SMARCB1: variants seen among roughly 807,000 people sequenced by gnomAD.
SMARCB1 encodes SWI/SNF-related matrix-associated actin-dependent regulator of chromatin subfamily B member 1.
In SMARCB1, 5 loss-of-function variants were observed where a neutral mutation model predicts 49.0. The ratio of observed to expected loss-of-function variants is 0.10; its 90% CI spans 0.05 to 0.21. The LOEUF (loss-of-function observed/expected upper bound fraction) is 0.21, where lower values mean the gene tolerates loss of function less well. SMARCB1 is among the 10% of genes least tolerant of loss of function. The probability of loss-of-function intolerance (pLI) is 1.00; values close to 1 mark genes in which losing one functional copy is unlikely to be tolerated. For synonymous variants in SMARCB1, 201 were observed against 200.1 expected, an observed-to-expected ratio of 1.00 and a Z score of -0.04; for missense variants, 226 against 509.2, an observed-to-expected ratio of 0.44 and a Z score of 5.35.
chr22:23,837,757 T>G lies in SMARCB1; in HGVS notation c.*3577T>G. The G allele has an allele frequency of 6.2e-7, 1 of 1,614,004 alleles. No homozygotes were observed. Among genetic ancestry groups the G allele is most frequent in the Non-Finnish European group, 8.5e-7 (1 of 1,180,012 alleles). ...CTGGAAAGTGAGCAGGCCGAAGAAG[T>G]TGACCCTCACCCGAGGGCTGCGGCG... is the stretch of plus-strand genomic sequence containing the variant. On this transcript the variant is annotated 3_prime_UTR_variant, in exon 9 of 9. Coordinates refer to ENST00000644036, the MANE Select transcript of SMARCB1 (RefSeq NM_003073.5).
At position 23,834,911 on chromosome 22, in the gene SMARCB1, G is replaced by A. The variant is rs2030920809; in HGVS notation, c.*731G>A. On this transcript the variant is annotated 3_prime_UTR_variant, in exon 9 of 9. Coordinates refer to ENST00000644036, the MANE Select transcript of SMARCB1 (RefSeq NM_003073.5). ...AGATGGTCAGGCTACTGCCAGCTGG[G>A]GCCTTGCTGCTCTGAAGTCCCCTGC... 1 of 1,611,108 alleles carries A rather than the reference G, an allele frequency of 6.2e-7. No individual in the cohort carries two copies.
At chr22:23,799,575 T>C (rs917036404) in intron 3 of SMARCB1, among the ~76,000 whole-genome samples, 1 of 147,872 alleles carries the variant, frequency 6.8e-6, no homozygotes, top group Non-Finnish European at 1.5e-5. Context: ...TGCAATGGTG[T>C]AATCTCGGCT....
In SMARCB1 at chr22:23,836,577, T is replaced by G. The variant is rs1212107282; in HGVS notation, c.*2397T>G. 8.8e-7 allele frequency: 1 copy of G among 1,136,094 alleles called. No individual in the cohort carries two copies. The highest frequency in any genetic ancestry group is 1.6e-5 in the African/African-American group (1 of 61,724). 70.4% of individuals were successfully genotyped at this position (1,136,094 alleles called of 1,614,324 possible). On this transcript the variant is annotated 3_prime_UTR_variant, in exon 9 of 9. Coordinates refer to ENST00000644036, the MANE Select transcript of SMARCB1 (RefSeq NM_003073.5). Reference sequence around the variant, plus strand: ...GCCTGGCAACCTGTGAGCTCAAAGCTCTGCCAGGCAACCATGGGCAGTTTC... The same window carrying G: ...GCCTGGCAACCTGTGAGCTCAAAGCGCTGCCAGGCAACCATGGGCAGTTTC...
chr22:23,793,497 TG>T, intron 2 of SMARCB1, 61 bp from the exon 3 acceptor site: 1 of 1,592,006 alleles, frequency 6.3e-7, no homozygotes, highest in Non-Finnish European at 8.6e-7. Flanking sequence ...TGCATCCACT[TG>T]GCTGGCTGCT....
chr22:23,801,381 G>T, intron 4 of SMARCB1: 1 of 673,112 alleles, frequency 1.5e-6, no homozygotes, highest in Non-Finnish European at 2.7e-6. Context: ...CACATGAGTG[G>T]GCCACAGCCA....
At position 23,789,198 on chromosome 22, in the gene SMARCB1, C is replaced by G. The variant is rs200267852; in HGVS notation, c.93+1936C>G. 3.3e-5 allele frequency among the ~76,000 whole-genome samples: 5 copies of G among 152,152 alleles called. No individual in the cohort carries two copies. The East Asian group carries it at 9.6e-4, about 29-fold the overall frequency. ...AATATAGGATTCAATAAAATTTTCACGTTGTCACTTAAATTACAACTGTTC... is the reference window on the plus strand; with the variant it reads ...AATATAGGATTCAATAAAATTTTCAGGTTGTCACTTAAATTACAACTGTTC... On this transcript the variant is annotated intron_variant, in intron 1 of 8. Transcript: ENST00000644036.
intron 7 of SMARCB1, among the ~76,000 whole-genome samples, chr22:23,833,092 G>C (rs149610423): frequency 1.3e-5 from 2 of 152,160 alleles, no homozygotes; most frequent in Non-Finnish European, 2.9e-5. Context: ...CCTCAGTAGT[G>C]GGGGGCTGGG....
intron 6 of SMARCB1, chr22:23,817,361 A>C: frequency 3.5e-6 from 1 of 288,366 alleles, no homozygotes; most frequent in Non-Finnish European, 6.8e-6. Flanking sequence ...CAGTTGAGAA[A>C]TGGTGAGGCT....
rs1568965701 is a variant in SMARCB1, at chr22:23,835,197, C to G, written c.*1017C>G. The G allele has an allele frequency of 3.9e-6, 5 of 1,269,334 alleles. No individual in the cohort carries two copies. Among genetic ancestry groups the G allele is most frequent in the Non-Finnish European group, 4.0e-6 (4 of 1,008,968 alleles). The allele number at this position is 1,269,334 out of a possible 1,614,324, so 78.6% of individuals were successfully genotyped here. Reference sequence around the variant, plus strand: ...CCAGGGTCCCTTCCCAGCCCTGCCTCCAAGGAGTTCATGTCCCCTCTGTTC... The same window carrying G: ...CCAGGGTCCCTTCCCAGCCCTGCCTGCAAGGAGTTCATGTCCCCTCTGTTC... On this transcript the variant is annotated 3_prime_UTR_variant, in exon 9 of 9. Coordinates refer to ENST00000644036, the MANE Select transcript of SMARCB1 (RefSeq NM_003073.5).
chr22:23,835,559 C>G lies in SMARCB1; in HGVS notation c.*1379C>G. 1 of 985,528 alleles carries G rather than the reference C, an allele frequency of 1.0e-6. No homozygotes were observed. Among genetic ancestry groups the G allele is most frequent in the Non-Finnish European group, 1.2e-6 (1 of 829,962 alleles). The allele number at this position is 985,528 out of a possible 1,614,324, so 61.0% of individuals were successfully genotyped here. Reference sequence around the variant, plus strand: ...CATGGGACTCTTCCCAGGGAGTTTGCACTCAGGGCCTCTGCCCTCCATCAA... The same window carrying G: ...CATGGGACTCTTCCCAGGGAGTTTGGACTCAGGGCCTCTGCCCTCCATCAA... On this transcript the variant is annotated 3_prime_UTR_variant, in exon 9 of 9. Coordinates refer to ENST00000644036, the MANE Select transcript of SMARCB1 (RefSeq NM_003073.5).
In SMARCB1 at chr22:23,801,255, C is replaced by G; in HGVS notation, c.500+174C>G. 3.3e-6 allele frequency: 3 copies of G among 915,560 alleles called. No homozygotes were observed. In the South Asian group the frequency reaches 4.2e-5, roughly 13 times the overall value. 56.7% of individuals were successfully genotyped at this position (915,560 alleles called of 1,614,324 possible). The stretch of plus-strand genomic sequence containing the variant: ...GTTTCCCTGACTTCCAGGACATTGT[C>G]CATAGCCTCCTTGGCTCTGTCTGCT... On this transcript the variant is annotated intron_variant, in intron 4 of 8. Coordinates refer to ENST00000644036, the MANE Select transcript of SMARCB1 (RefSeq NM_003073.5).
chr22:23,820,364 C>T (rs971009541), intron 6 of SMARCB1, among the ~76,000 whole-genome samples: 1 of 152,124 alleles, frequency 6.6e-6, no homozygotes, highest in Non-Finnish European at 1.5e-5. Flanking sequence ...CACCTGAGGT[C>T]GGGAGTTAGA....
At chr22:23,800,844 G>A in intron 3 of SMARCB1, 100 bp from the exon 4 acceptor site, 1 of 944,422 alleles carries the variant, frequency 1.1e-6, no homozygotes, top group Non-Finnish European at 1.8e-6. Flanking sequence ...CCTCGAGCCT[G>A]ACAGAGGTAC....
At chr22:23,819,665 G>A (rs2146017381) in intron 6 of SMARCB1, among the ~76,000 whole-genome samples, 1 of 151,928 alleles carries the variant, frequency 6.6e-6, no homozygotes, top group Middle Eastern at 3.4e-3. Context: ...TCTTTTGGGT[G>A]TATACCTAGA....
rs781136700 is a variant in SMARCB1 at position 23,833,567 on chromosome 22, C to T, written c.987-5C>T. The T allele has an allele frequency of 5.3e-5, 85 of 1,614,244 alleles. No individual in the cohort carries two copies. In the Admixed American group the frequency reaches 1.1e-3, roughly 20 times the overall value. ...CATTCCTCTCACTGCCTCCCCTCCTCGTAGCGAGAACCCTCTGCCCACAGT... is the reference window on the plus strand; with the variant it reads ...CATTCCTCTCACTGCCTCCCCTCCTTGTAGCGAGAACCCTCTGCCCACAGT... On this transcript the variant is annotated splice_polypyrimidine_tract_variant and splice_region_variant and intron_variant, in intron 7 of 8. Transcript: ENST00000644036.
At chr22:23,834,103 C>T (rs2146044568) in intron 8 of SMARCB1, 38 bp from the exon 9 acceptor site, 2 of 1,561,618 alleles carry the variant, frequency 1.3e-6, no homozygotes, top group East Asian at 4.8e-5. Context: ...AGGCTGGGAG[C>T]TGGCCCCGAC....
intron 3 of SMARCB1, among the ~76,000 whole-genome samples, chr22:23,797,194 T>G (rs994901465): frequency 6.7e-6 from 1 of 148,782 alleles, no homozygotes. Flanking sequence ...GAGACGGGGT[T>G]TCACCGTGTT....
At position 23,797,609 on chromosome 22, in the gene SMARCB1, CTTTTTTTT is replaced by C. The variant is rs71184910; in HGVS notation, c.363-3316_363-3309del. On this transcript the variant is annotated intron_variant, in intron 3 of 8. Coordinates refer to ENST00000644036, the MANE Select transcript of SMARCB1 (RefSeq NM_003073.5). ...ACAGACATGAGCCACTGCGCCTGGC[CTTTTTTTT>C]TTTTTTTTTTTTTTTTTTGAGATCG... Among the ~76,000 whole-genome samples, 112 of 36,290 alleles carry C rather than the reference CTTTTTTTT, an allele frequency of 3.1e-3. 2 individuals are homozygous for C. The highest frequency in any genetic ancestry group is 9.7e-3 in the Admixed American group (20 of 2,060). 23.8% of individuals were successfully genotyped at this position (36,290 alleles called of 152,430 possible). A position where few individuals can be genotyped will look rare whatever the true frequency, so the allele number is the denominator to read the frequency against.
intron 6 of SMARCB1, among the ~76,000 whole-genome samples, chr22:23,820,176 A>T (rs80135378): frequency 0.23 from 34,696 of 152,048 alleles, 5,727 homozygotes; most frequent in African/African-American, 0.47. Flanking sequence ...TAAGGGGTGT[A>T]GGTCTGTAGT....
Sources: allele counts gnomAD v4.1 joint callset (sites outside exome capture counted in the v4.1 genomes callset), GRCh38; gene constraint gnomAD v4.1.1; transcripts MANE v1.5; gene names NCBI Gene and HGNC (gene_info 2026-07-23, HGNC 2026-07-21).